Variants in KLHL1 observed in about 807,000 individuals in gnomAD.
The protein encoded by KLHL1 is kelch like family member 1, also known as kelch-like protein 1.
A neutral mutation model predicts 77.7 loss-of-function variants in KLHL1; 47 were observed. The ratio of observed to expected loss-of-function variants is 0.60; its 90% CI spans 0.48 to 0.77. The LOEUF is 0.77. Ranked by LOEUF, KLHL1 falls within the 30% of genes least tolerant of loss-of-function variation. The pLI is 0.00. For missense variants in KLHL1, 925 were observed against 910.8 expected, an observed-to-expected ratio of 1.02 and a Z score of -0.20; for synonymous variants, 360 against 325.2, an observed-to-expected ratio of 1.11 and a Z score of -1.15.
intron 8 of KLHL1, among the ~76,000 whole-genome samples, 188 bp from the exon 9 acceptor site, chr13:69,719,769 T>C (rs926284060): frequency 2.6e-5 from 4 of 151,980 alleles, no homozygotes; most frequent in East Asian, 1.9e-4. Context: ...TATTTTTGTA[T>C]AGAAATTGCA....
chr13:69,780,990 T>TAGTA (rs3048159), intron 7 of KLHL1, among the ~76,000 whole-genome samples: 4 of 150,568 alleles, frequency 2.7e-5, no homozygotes, highest in Admixed American at 6.6e-5. Context: ...CAGATTATTT[T>TAGTA]AGTAAGTAAG....
At chr13:69,793,527 AAAGCTAGAT>A in intron 7 of KLHL1, among the ~76,000 whole-genome samples, 2 of 152,126 alleles carry the variant, frequency 1.3e-5, no homozygotes, top group Middle Eastern at 6.8e-3. Context: ...CAAAGGGAAA[AAAGCTAGAT>A]AAGTCAAAAC....
chr13:69,707,519 G>C (rs963661651), intron 10 of KLHL1, 106 bp downstream of exon 10: 23 of 1,019,748 alleles, frequency 2.3e-5, no homozygotes, highest in Admixed American at 1.1e-4. Flanking sequence ...ATCATTTTTG[G>C]TTTAGGGTAA....
intron 7 of KLHL1, among the ~76,000 whole-genome samples, chr13:69,753,813 C>A (rs1255526374): frequency 6.6e-6 from 1 of 150,738 alleles, no homozygotes; most frequent in African/African-American, 2.4e-5. Flanking sequence ...ATTCCATGTT[C>A]ATTTTCCATA....
intron 4 of KLHL1, among the ~76,000 whole-genome samples, chr13:69,892,543 G>A (rs1273222119): frequency 6.6e-6 from 1 of 152,034 alleles, no homozygotes; most frequent in African/African-American, 2.4e-5. Context: ...TGTATATTGT[G>A]TCAGGCGGTG....
At chr13:69,938,333 GAAAT>G (rs1423287987) in intron 4 of KLHL1, among the ~76,000 whole-genome samples, 1 of 151,896 alleles carries the variant, frequency 6.6e-6, no homozygotes, top group Non-Finnish European at 1.5e-5. Flanking sequence ...CACAGTCTAA[GAAAT>G]AAATTAATTT....
At chr13:70,024,747 G>A (rs1012427588) in intron 1 of KLHL1, among the ~76,000 whole-genome samples, 6 of 150,998 alleles carry the variant, frequency 4.0e-5, no homozygotes, top group African/African-American at 1.2e-4. Flanking sequence ...AGAAGAACTC[G>A]CACAGCACAA....
intron 5 of KLHL1, among the ~76,000 whole-genome samples, chr13:69,843,177 A>G (rs7331958): frequency 0.075 from 11,404 of 151,756 alleles, 787 homozygotes; most frequent in African/African-American, 0.18. Flanking sequence ...CTCAGGTGAC[A>G]GACACGCCAA....
intron 4 of KLHL1, among the ~76,000 whole-genome samples, chr13:69,922,745 C>T (rs1394511052): frequency 1.3e-5 from 2 of 152,036 alleles, no homozygotes; most frequent in Non-Finnish European, 2.9e-5. Flanking sequence ...ACAAAACTCT[C>T]ACTATTCTCA....
intron 1 of KLHL1, among the ~76,000 whole-genome samples, chr13:70,088,731 G>T (rs1887603949): frequency 6.6e-6 from 1 of 151,748 alleles, no homozygotes; most frequent in African/African-American, 2.4e-5. Flanking sequence ...TTTGAAATGA[G>T]CTTTTGCATT....
intron 1 of KLHL1, among the ~76,000 whole-genome samples, chr13:70,013,506 T>C (rs906168825): frequency 1.3e-5 from 2 of 152,206 alleles, no homozygotes; most frequent in African/African-American, 2.4e-5. Context: ...TCTAGCTTAA[T>C]TGCATCAGGG....
rs937722299 is a variant in KLHL1 at position 69,713,808 on chromosome 13, C to T, written c.2015+5561G>A. On this transcript the variant is annotated intron_variant, in intron 9 of 10. Transcript: ENST00000377844. ...CCCTTAGAGACAATATTTGTTGGTA[C>T]ACATGGTATTTCTACCAAATTTTAC... 1.3e-5 allele frequency among the ~76,000 whole-genome samples: 2 copies of T among 151,874 alleles called. 1 individual carries two copies. The highest frequency in any genetic ancestry group is 4.2e-4 in the South Asian group (2 of 4,816).
rs1375503916 is a variant in KLHL1 at position 70,107,722 on chromosome 13, G to T, written c.-23C>A. 1 of 1,499,744 alleles carries T rather than the reference G, an allele frequency of 6.7e-7. No homozygotes were observed. The allele number at this position is 1,499,744 out of a possible 1,614,324, so 92.9% of individuals were successfully genotyped here. A position where few individuals can be genotyped will look rare whatever the true frequency, so the allele number is the denominator to read the frequency against. On this transcript the variant is annotated 5_prime_UTR_variant, in exon 1 of 11. Coordinates refer to ENST00000377844, the MANE Select transcript of KLHL1 (RefSeq NM_020866.3). ...CATGCTTTACGCACAGAAGGCAAAAGGCTGGCAGCTCACGCAGGAGTAGGC... is the reference window on the plus strand; with the variant it reads ...CATGCTTTACGCACAGAAGGCAAAATGCTGGCAGCTCACGCAGGAGTAGGC...
At chr13:70,010,890 C>T (rs1885517952) in intron 1 of KLHL1, among the ~76,000 whole-genome samples, 1 of 137,194 alleles carries the variant, frequency 7.3e-6, no homozygotes, top group South Asian at 2.4e-4. Context: ...GAAACTCCGT[C>T]TCAAAAAAAA....
intron 6 of KLHL1, among the ~76,000 whole-genome samples, chr13:69,804,316 G>GA (rs570457921): frequency 2.7e-5 from 4 of 150,828 alleles, no homozygotes; most frequent in African/African-American, 9.8e-5. Flanking sequence ...GTGGGGGGGG[G>GA]AAATAGTAAT....
intron 6 of KLHL1, among the ~76,000 whole-genome samples, chr13:69,799,707 A>G (rs957520250): frequency 1.3e-5 from 2 of 152,206 alleles, no homozygotes; most frequent in African/African-American, 4.8e-5. Context: ...CTAAAATCAA[A>G]ATGCTGCCAT....
chr13:69,818,983 C>A (rs1878233600), intron 6 of KLHL1, among the ~76,000 whole-genome samples: 1 of 152,166 alleles, frequency 6.6e-6, no homozygotes, highest in African/African-American at 2.4e-5. Context: ...GTTTCTCTGA[C>A]AGAGAATTGT....
At chr13:70,002,044 T>C (rs923256838) in intron 1 of KLHL1, among the ~76,000 whole-genome samples, 32 of 151,614 alleles carry the variant, frequency 2.1e-4, no homozygotes, top group African/African-American at 7.2e-4. Flanking sequence ...TCTTCAATGA[T>C]ATTAAAGCAG....
chr13:70,044,034 C>T (rs1886438971), intron 1 of KLHL1, among the ~76,000 whole-genome samples: 2 of 152,148 alleles, frequency 1.3e-5, no homozygotes, highest in Non-Finnish European at 1.5e-5. Context: ...TTCCCGTTGT[C>T]CTATTTTCAA....
Sources: gnomAD v4.1 joint callset for allele counts (sites outside exome capture counted in the v4.1 genomes callset) on GRCh38, gnomAD v4.1.1 for gene constraint, MANE v1.5 for transcripts, NCBI Gene and HGNC (gene_info 2026-07-23, HGNC 2026-07-21) for gene names.